The following PAX7 variants were observed in gnomAD, a reference collection of about 807,000 sequenced individuals.
PAX7 encodes the protein paired box protein Pax-7.
PAX7 carries 18 observed loss-of-function variants against 50.7 expected under a neutral mutation model. The observed-to-expected ratio is 0.36, with a 90% CI of 0.25 to 0.53. The LOEUF is 0.53. Among genes scored for constraint, PAX7 ranks in the 20% least tolerant of loss-of-function variants. PAX7 has a pLI of 0.93. For missense variants in PAX7, 644 were observed against 702.9 expected (o/e 0.92, Z 0.95); for synonymous variants, 310 against 290.4 (o/e 1.07, Z -0.69).
chr1:18,712,626 T>C (rs1208099790), intron 7 of PAX7, among the ~76,000 whole-genome samples: 3 of 152,146 alleles, frequency 2.0e-5, no homozygotes, highest in Non-Finnish European at 4.4e-5. Context: ...TGCCTGGCTT[T>C]CAGGGTGACA....
At chr1:18,659,040 G>A (rs2088563787) in intron 4 of PAX7, among the ~76,000 whole-genome samples, 1 of 152,122 alleles carries the variant, frequency 6.6e-6, no homozygotes, top group Admixed American at 6.6e-5. Context: ...GTATATGTGT[G>A]TGCATATGTA....
intron 4 of PAX7, 53 bp from the exon 5 acceptor site, chr1:18,691,701 C>G: frequency 1.3e-6 from 2 of 1,509,540 alleles, no homozygotes; most frequent in Non-Finnish European, 1.8e-6. Context: ...GACCCCGGCA[C>G]CCTTCCATCT....
intron 7 of PAX7, among the ~76,000 whole-genome samples, chr1:18,718,267 GC>G (rs2089451970): frequency 6.6e-6 from 1 of 152,172 alleles, no homozygotes. Context: ...CGCCATCTCT[GC>G]TCAGAGCGGG....
chr1:18,633,172 G>T (rs1421274097), intron 1 of PAX7, among the ~76,000 whole-genome samples: 1 of 152,158 alleles, frequency 6.6e-6, no homozygotes, highest in African/African-American at 2.4e-5. Flanking sequence ...GAGAGCGAGG[G>T]AGGGGGCGGT....
intron 4 of PAX7, among the ~76,000 whole-genome samples, chr1:18,655,209 G>T (rs2088495412): frequency 1.3e-5 from 2 of 152,154 alleles, no homozygotes; most frequent in Admixed American, 6.5e-5. Flanking sequence ...CCAGAAGCTG[G>T]TCTCCCTGGA....
chr1:18,733,115 A>G (rs1388869261), intron 7 of PAX7, among the ~76,000 whole-genome samples: 1 of 150,802 alleles, frequency 6.6e-6, no homozygotes, highest in Non-Finnish European at 1.5e-5. Context: ...GGGTAGACTC[A>G]GATTCCTGAG....
chr1:18,703,985 T>A (rs1235575612), intron 7 of PAX7, among the ~76,000 whole-genome samples: 5 of 152,180 alleles, frequency 3.3e-5, no homozygotes, highest in African/African-American at 1.2e-4. Context: ...TATCCCCTAT[T>A]AAACAAAGAG....
chr1:18,646,722 G>T (rs2088345825), intron 4 of PAX7, among the ~76,000 whole-genome samples: 1 of 151,964 alleles, frequency 6.6e-6, no homozygotes, highest in Non-Finnish European at 1.5e-5. Context: ...ATGCCTGGTG[G>T]CGCTTTACTA....
At chr1:18,719,097 T>G (rs2100364069) in intron 7 of PAX7, among the ~76,000 whole-genome samples, 1 of 152,306 alleles carries the variant, frequency 6.6e-6, no homozygotes, top group Middle Eastern at 3.4e-3. Context: ...TCCTGCACAC[T>G]TTCACTGTCC....
chr1:18,665,157 A>G (rs2088650913), intron 4 of PAX7, among the ~76,000 whole-genome samples: 1 of 152,110 alleles, frequency 6.6e-6, no homozygotes, highest in Non-Finnish European at 1.5e-5. Flanking sequence ...TGCTCAGTAA[A>G]GGTTAGCAGC....
chr1:18,633,807 C>T (rs923599084), intron 1 of PAX7, among the ~76,000 whole-genome samples: 3 of 152,202 alleles, frequency 2.0e-5, no homozygotes, highest in Non-Finnish European at 4.4e-5. Context: ...TCATGACTAC[C>T]AGGAGCGTAG....
At chr1:18,717,370 G>T (rs2089439866) in intron 7 of PAX7, among the ~76,000 whole-genome samples, 1 of 152,156 alleles carries the variant, frequency 6.6e-6, no homozygotes, top group Non-Finnish European at 1.5e-5. Flanking sequence ...GGAGAGAGAG[G>T]CTCCCTCGGG....
chr1:18,734,411 G>T (rs1290336407), intron 7 of PAX7, among the ~76,000 whole-genome samples: 1 of 152,014 alleles, frequency 6.6e-6, no homozygotes, highest in Admixed American at 6.5e-5. Flanking sequence ...CCTCTCCCCT[G>T]CCCTCCTCTG....
At chr1:18,703,039 C>T in intron 6 of PAX7, 55 bp from the exon 7 acceptor site, 1 of 1,517,904 alleles carries the variant, frequency 6.6e-7, no homozygotes, top group South Asian at 1.1e-5. Context: ...CTCTCAGAGG[C>T]CCAGCGTCCA....
chr1:18,745,771 G>C lies in PAX7; in HGVS notation c.*842G>C, dbSNP rs1027342030. ...GTCCACTCCATCTGGGGCCTGGGGA[G>C]CCCACAGAACTTTTCAGTTTCCTTC... is the stretch of plus-strand genomic sequence containing the variant. On this transcript the variant is annotated 3_prime_UTR_variant, in exon 9 of 9. Coordinates refer to ENST00000420770, the MANE Select transcript of PAX7 (RefSeq NM_001135254.2). The C allele has an allele frequency of 4.3e-6, 1 of 232,030 alleles. No homozygotes were observed. The highest frequency in any genetic ancestry group is 2.2e-5 in the African/African-American group (1 of 45,386). 14.4% of individuals were successfully genotyped at this position (232,030 alleles called of 1,614,324 possible). A position where few individuals can be genotyped will look rare whatever the true frequency, so the allele number is the denominator to read the frequency against.
intron 5 of PAX7, 117 bp downstream of exon 5, chr1:18,692,070 G>T: frequency 1.1e-6 from 1 of 904,826 alleles, no homozygotes; most frequent in Non-Finnish European, 1.7e-6. Flanking sequence ...ACAGGTTCAG[G>T]GGGTTGTGTA....
intron 4 of PAX7, among the ~76,000 whole-genome samples, chr1:18,685,704 G>A (rs923610471): frequency 6.6e-6 from 1 of 152,262 alleles, no homozygotes; most frequent in African/African-American, 2.4e-5. Context: ...GGAACTGTAT[G>A]GGATGGCAAG....
intron 7 of PAX7, among the ~76,000 whole-genome samples, chr1:18,716,937 C>CCCGAGG (rs2089431928): frequency 6.6e-6 from 1 of 150,974 alleles, no homozygotes; most frequent in East Asian, 2.0e-4. Flanking sequence ...GGCGCGGGCT[C>CCCGAGG]CCGAGGCCGG....
intron 4 of PAX7, among the ~76,000 whole-genome samples, chr1:18,671,423 T>G (rs2088746965): frequency 1.3e-5 from 2 of 152,232 alleles, no homozygotes; most frequent in Non-Finnish European, 2.9e-5. Flanking sequence ...CAATGCACTC[T>G]TATTTCCAGG....
Sources: gnomAD v4.1 joint callset for allele counts (sites outside exome capture counted in the v4.1 genomes callset) on GRCh38, gnomAD v4.1.1 for gene constraint, MANE v1.5 for transcripts, NCBI Gene and HGNC (gene_info 2026-07-23, HGNC 2026-07-21) for gene names.